The following ASXL2 variants were observed in gnomAD, a reference collection of about 807,000 sequenced individuals.
The protein encoded by ASXL2 is ASXL transcriptional regulator 2.
A neutral mutation model predicts 122.0 loss-of-function variants in ASXL2; 23 were observed. The ratio of observed to expected loss-of-function variants is 0.19; its 90% CI spans 0.14 to 0.27. The LOEUF is 0.27. Ranked by LOEUF, ASXL2 falls within the 10% of genes least tolerant of loss-of-function variation. The pLI is 1.00. For missense variants in ASXL2, 1,518 were observed against 1,713.8 expected, an observed-to-expected ratio of 0.89 and a Z score of 2.02; for synonymous variants, 650 against 637.0, an observed-to-expected ratio of 1.02 and a Z score of -0.31.
intron 1 of ASXL2, chr2:25,856,722 G>T: frequency 7.7e-7 from 1 of 1,296,826 alleles, no homozygotes. Context: ...TTCAGTCACC[G>T]AGCCGATCTG....
At position 25,836,010 on chromosome 2, in the gene ASXL2, C is replaced by G. The variant is rs372564477; in HGVS notation, c.141-470G>C. ...AATGGATAAGAATACTCTTTTCTGT[C>G]AATATCCAAGCATTTTGTTGTCATT... On this transcript the variant is annotated intron_variant, in intron 2 of 12. Coordinates refer to ENST00000435504, the MANE Select transcript of ASXL2 (RefSeq NM_018263.6). Among the ~76,000 whole-genome samples the G allele has an allele frequency of 7.2e-5, 11 of 152,278 alleles. 1 individual carries two copies. In the East Asian group the frequency reaches 2.1e-3, roughly 29 times the overall value.
rs2088374170 is a variant in ASXL2, at chr2:25,767,663, A to G, written c.695T>C (p.Phe232Ser). 4 of 1,614,020 alleles carry G rather than the reference A, an allele frequency of 2.5e-6. No homozygotes were observed. The highest frequency in any genetic ancestry group is 3.4e-6 in the Non-Finnish European group (4 of 1,179,880). The change falls in exon 8 of 13, where the codon TTT becomes TCT. Residue 232 changes from phenylalanine (F) to serine (S), a missense_variant. Physicochemically the swap from Phe to Ser is radical, Grantham distance 155. Around this residue, in one of 8 missense-constraint regions of ASXL2, gnomAD observed 198 missense variants for 209.0 expected, o/e 0.95. Transcript: ENST00000435504. Reference sequence around the variant, plus strand: ...ATTTTCCACTTTAACTGAGGAAGAAAAGCTGGAGTTTGAGTTTTGAGGGCT... The same window carrying G: ...ATTTTCCACTTTAACTGAGGAAGAAGAGCTGGAGTTTGAGTTTTGAGGGCT... Reference protein sequence around the residue: ...TGSPQNSNSSFSSSVKVENTL... With the variant: ...TGSPQNSNSSSSSSVKVENTL...
Position 25,744,261 on chromosome 2 carries a change from T to A in ASXL2, c.2076A>T (p.Gly692=), listed in dbSNP as rs112771823. ...GACCTTGTCCACCCCCTGGGCCAGG[T>A]CCTGGAATGGTCCCTCCAACTGAGG... ...AAASVGGTIP[G]PGPGGGQGPG... is the part of the protein sequence containing the mutation. The change falls in exon 13 of 13, where the codon GGA becomes GGT. Residue 692 remains glycine, a synonymous_variant. Coordinates refer to ENST00000435504, the MANE Select transcript of ASXL2 (RefSeq NM_018263.6). The surrounding 1 kb of genome is among the most constrained non-coding windows in gnomAD (Gnocchi z 4.7). The A allele has an allele frequency of 6.2e-7, 1 of 1,613,896 alleles. No homozygotes were observed. The highest frequency in any genetic ancestry group is 8.5e-7 in the Non-Finnish European group (1 of 1,179,858).
At chr2:25,821,175 G>A (rs917865702) in intron 3 of ASXL2, among the ~76,000 whole-genome samples, 1 of 151,956 alleles carries the variant, frequency 6.6e-6, no homozygotes, top group East Asian at 1.9e-4. Flanking sequence ...GCAAGACTCC[G>A]TCTCAAAAAG....
chr2:25,810,709 G>A (rs915900457), intron 3 of ASXL2: 3 of 641,902 alleles, frequency 4.7e-6, no homozygotes, highest in South Asian at 1.5e-5. Flanking sequence ...TCTGCTCAGC[G>A]TTGCAGCTGC....
At chr2:25,822,848 GAAC>G in intron 3 of ASXL2, 1 of 554,540 alleles carries the variant, frequency 1.8e-6, no homozygotes, top group Non-Finnish European at 3.6e-6. Flanking sequence ...CTGAGATGAT[GAAC>G]AACATGGGTG....
intron 1 of ASXL2, among the ~76,000 whole-genome samples, chr2:25,860,690 G>A (rs760153884): frequency 3.3e-5 from 5 of 150,652 alleles, no homozygotes; most frequent in South Asian, 2.1e-4. Context: ...CAGCCTGGGC[G>A]ACAGAGAGAG....
chr2:25,744,196 C>T lies in ASXL2; in HGVS notation c.2141G>A (p.Ser714Asn). 6.2e-7 allele frequency: 1 copy of T among 1,614,046 alleles called. No individual in the cohort carries two copies. Among genetic ancestry groups the T allele is most frequent in the Non-Finnish European group, 8.5e-7 (1 of 1,179,884 alleles). The change falls in exon 13 of 13, where the codon AGT becomes AAT. Residue 714 changes from serine (S) to asparagine (N), a missense_variant. Ser to Asn is a conservative substitution (Grantham distance 46). Transcript: ENST00000435504. This position sits in a 1 kb window ranked among gnomAD's most constrained non-coding sequence, Gnocchi z 4.7. The stretch of plus-strand genomic sequence containing the variant: ...TTCACTGACTCTGTCTGAGCCTGGA[C>T]TGCCTCCTCTAGCAGTCTGCCCTTC... ...GGEGQTARGG[S>N]PGSDRVSETG...
intron 12 of ASXL2, among the ~76,000 whole-genome samples, chr2:25,746,619 CTAACA>C (rs1480603566): frequency 1.3e-5 from 2 of 151,908 alleles, no homozygotes; most frequent in East Asian, 3.8e-4. Context: ...AACTCTATAC[CTAACA>C]TAATACATCA....
intron 1 of ASXL2, among the ~76,000 whole-genome samples, chr2:25,858,677 C>T: frequency 6.7e-6 from 1 of 149,440 alleles, no homozygotes; most frequent in Non-Finnish European, 1.5e-5. Context: ...GAGCTGAGAT[C>T]ACGCCACTGT....
intron 3 of ASXL2, among the ~76,000 whole-genome samples, chr2:25,809,193 A>G (rs1270111808): frequency 6.6e-6 from 1 of 152,104 alleles, no homozygotes; most frequent in Non-Finnish European, 1.5e-5. Context: ...TCACTGCAAC[A>G]TAAGGGGCAC....
At chr2:25,782,156 G>A (rs896288124) in intron 5 of ASXL2, among the ~76,000 whole-genome samples, 2 of 151,786 alleles carry the variant, frequency 1.3e-5, no homozygotes, top group South Asian at 2.1e-4. Flanking sequence ...ACGCAAAATC[G>A]TATCATCTGA....
At chr2:25,875,692 T>C (rs1196188615) in intron 1 of ASXL2, among the ~76,000 whole-genome samples, 1 of 152,104 alleles carries the variant, frequency 6.6e-6, no homozygotes, top group Non-Finnish European at 1.5e-5. Context: ...CTCTAAAACA[T>C]GATAGCTCTA....
intron 7 of ASXL2, among the ~76,000 whole-genome samples, chr2:25,768,194 T>G (rs2088386204): frequency 6.6e-6 from 1 of 152,260 alleles, no homozygotes; most frequent in Non-Finnish European, 1.5e-5. Flanking sequence ...AGTTTGAGCC[T>G]CTTGGAAACA....
intron 5 of ASXL2, among the ~76,000 whole-genome samples, chr2:25,787,324 T>C (rs2088764275): frequency 6.6e-6 from 1 of 152,186 alleles, no homozygotes; most frequent in African/African-American, 2.4e-5. Flanking sequence ...CTCAAACTAA[T>C]GTTTCTTGGC....
At chr2:25,838,655 G>T (rs1381401971) in intron 2 of ASXL2, among the ~76,000 whole-genome samples, 2 of 152,102 alleles carry the variant, frequency 1.3e-5, no homozygotes, top group Non-Finnish European at 2.9e-5. Context: ...CTTAAACTGG[G>T]GCACTAGGTG....
chr2:25,829,411 T>C (rs576240341), intron 3 of ASXL2, among the ~76,000 whole-genome samples: 1 of 152,268 alleles, frequency 6.6e-6, no homozygotes, highest in East Asian at 1.9e-4. Flanking sequence ...AGAACTCAGC[T>C]GGAGAGAGAG....
Position 25,739,227 on chromosome 2 carries a change from T to TTA in ASXL2, c.*2800_*2801dup, listed in dbSNP as rs1433380386. ...ACCCTAAGAATAAGCTCAGCATTTATTAAAACTTTTCAGATTGGGATGAAA... is the reference window on the plus strand; with the variant it reads ...ACCCTAAGAATAAGCTCAGCATTTATTATAAAACTTTTCAGATTGGGATGAAA... On this transcript the variant is annotated 3_prime_UTR_variant, in exon 13 of 13. Transcript: ENST00000435504. The TTA allele has an allele frequency of 6.4e-6, 1 of 156,096 alleles. No individual in the cohort carries two copies. Among genetic ancestry groups the TTA allele is most frequent in the South Asian group, 2.1e-4 (1 of 4,874 alleles). 9.7% of individuals were successfully genotyped at this position (156,096 alleles called of 1,614,324 possible).
At chr2:25,782,865 C>T (rs1458333382) in intron 5 of ASXL2, among the ~76,000 whole-genome samples, 5 of 152,014 alleles carry the variant, frequency 3.3e-5, no homozygotes, top group East Asian at 1.9e-4. Context: ...TGGTGGCTCA[C>T]GCCTGTAACC....
Sources: gnomAD v4.1 joint callset for allele counts (sites outside exome capture counted in the v4.1 genomes callset) on GRCh38, gnomAD v4.1.1 for gene constraint, gnomAD v4.1.1 regional missense constraint, Gnocchi (gnomAD v3.1) non-coding constraint, MANE v1.5 for transcripts, NCBI Gene and HGNC (gene_info 2026-07-23, HGNC 2026-07-21) for gene names.